ARHGAP6: variants seen among roughly 807,000 people sequenced by gnomAD.
The protein encoded by ARHGAP6 is Rho GTPase activating protein 6.
ARHGAP6 carries 16 observed loss-of-function variants against 55.7 expected under a neutral mutation model. The ratio of observed to expected loss-of-function variants is 0.29; its 90% confidence interval spans 0.19 to 0.44. The LOEUF (loss-of-function observed/expected upper bound fraction) is 0.44, where lower values mean the gene tolerates loss of function less well. Among genes scored for constraint, ARHGAP6 ranks in the 20% least tolerant of loss-of-function variants. The probability of loss-of-function intolerance (pLI) is 1.00; values close to 1 mark genes in which losing one functional copy is unlikely to be tolerated. For synonymous variants in ARHGAP6, 382 were observed against 360.9 expected (o/e 1.06, Z -0.66); for missense variants, 698 against 808.9 (o/e 0.86, Z 1.66).
chrX:11,611,952 A>C (rs5979433), intron 1 of ARHGAP6, among the ~76,000 whole-genome samples: 40,305 of 109,916 alleles, frequency 0.37, 5,817 homozygotes, highest in African/African-American at 0.52. Context: ...AAAGAATTTA[A>C]CCTCTTTTTA....
intron 1 of ARHGAP6, among the ~76,000 whole-genome samples, chrX:11,334,052 G>A (rs1373185903): frequency 9.1e-6 from 1 of 109,900 alleles, no homozygotes; most frequent in Non-Finnish European, 1.9e-5. Context: ...TCTGCCCAAT[G>A]TCGCTACATG....
chrX:11,204,048 A>T (rs1310131910), intron 2 of ARHGAP6, among the ~76,000 whole-genome samples: 1 of 112,035 alleles, frequency 8.9e-6, no homozygotes, highest in East Asian at 2.8e-4. Flanking sequence ...TCTAACTCTG[A>T]TATAAACTCT....
intron 1 of ARHGAP6, among the ~76,000 whole-genome samples, chrX:11,305,879 T>C (rs2048232700): frequency 8.9e-6 from 1 of 111,923 alleles, no homozygotes; most frequent in Admixed American, 9.4e-5. Flanking sequence ...ATGGAGAATA[T>C]AAAGCAGTGT....
intron 1 of ARHGAP6, among the ~76,000 whole-genome samples, chrX:11,259,014 A>T (rs949089668): frequency 8.9e-6 from 1 of 111,779 alleles, no homozygotes; most frequent in Non-Finnish European, 1.9e-5. Flanking sequence ...AAGTTATTTT[A>T]AAAATGTACA....
At chrX:11,501,184 C>T (rs1427774533) in intron 1 of ARHGAP6, among the ~76,000 whole-genome samples, 1 of 111,968 alleles carries the variant, frequency 8.9e-6, no homozygotes, top group Non-Finnish European at 1.9e-5. Context: ...GGCACAGTGA[C>T]TCACCCCTGT....
chrX:11,349,212 T>C (rs1268522031), intron 1 of ARHGAP6, among the ~76,000 whole-genome samples: 1 of 111,452 alleles, frequency 9.0e-6, no homozygotes, highest in Non-Finnish European at 1.9e-5. Context: ...GACACTGGCA[T>C]TTTTTGCTGA....
intron 1 of ARHGAP6, among the ~76,000 whole-genome samples, chrX:11,328,674 G>C (rs2048527066): frequency 8.9e-6 from 1 of 112,354 alleles, no homozygotes; most frequent in South Asian, 3.7e-4. Flanking sequence ...AGAACTTCTA[G>C]TCTATCCTCA....
At chrX:11,140,821 G>T (rs2045611183) in intron 12 of ARHGAP6, among the ~76,000 whole-genome samples, 1 of 112,391 alleles carries the variant, frequency 8.9e-6, no homozygotes, top group African/African-American at 3.2e-5. Context: ...CATTTTGCAA[G>T]GCAAAGGAGG....
At chrX:11,278,715 G>C (rs2047811704) in intron 1 of ARHGAP6, among the ~76,000 whole-genome samples, 2 of 111,747 alleles carry the variant, frequency 1.8e-5, no homozygotes, top group Non-Finnish European at 3.8e-5. Flanking sequence ...ATTTGAAAAA[G>C]TTGTGCATGG....
chrX:11,266,555 G>A (rs955009708), intron 1 of ARHGAP6, among the ~76,000 whole-genome samples: 8 of 110,130 alleles, frequency 7.3e-5, no homozygotes, highest in African/African-American at 2.6e-4. Context: ...AGGTCAGAGT[G>A]AATATACCCA....
At chrX:11,226,337 C>T (rs2047049501) in intron 2 of ARHGAP6, among the ~76,000 whole-genome samples, 1 of 110,936 alleles carries the variant, frequency 9.0e-6, no homozygotes, top group Non-Finnish European at 1.9e-5. Context: ...TTTTTTTTGG[C>T]TGCATGGTAT....
chrX:11,322,185 C>T (rs781474640), intron 1 of ARHGAP6, among the ~76,000 whole-genome samples: 45 of 111,518 alleles, frequency 4.0e-4, no homozygotes, highest in African/African-American at 2.9e-4. Context: ...GCTATTTGGG[C>T]GAGATCACTT....
chrX:11,286,941 G>T (rs748404833), intron 1 of ARHGAP6, among the ~76,000 whole-genome samples: 1 of 112,147 alleles, frequency 8.9e-6, no homozygotes, highest in Non-Finnish European at 1.9e-5. Context: ...TACTGGGTAT[G>T]GGATTTCTTT....
intron 1 of ARHGAP6, among the ~76,000 whole-genome samples, chrX:11,436,596 G>T (rs1161092489): frequency 8.9e-6 from 1 of 111,850 alleles, no homozygotes; most frequent in East Asian, 2.8e-4. Flanking sequence ...ATATGTTTAT[G>T]GTAGAATTAT....
At chrX:11,200,571 A>G (rs1265643818) in intron 2 of ARHGAP6, among the ~76,000 whole-genome samples, 2 of 112,744 alleles carry the variant, frequency 1.8e-5, no homozygotes, top group African/African-American at 3.2e-5. Flanking sequence ...TCCCTGAGAC[A>G]TGATTTTTAT....
At chrX:11,177,952 C>A (rs2046256673) in intron 8 of ARHGAP6, 148 bp downstream of exon 8, 1 of 691,752 alleles carries the variant, frequency 1.4e-6, no homozygotes, top group East Asian at 3.3e-5. Flanking sequence ...CAGAGAAGGC[C>A]CTGCATTAGT....
At chrX:11,454,110 ATT>A (rs1187605203) in intron 1 of ARHGAP6, among the ~76,000 whole-genome samples, 9,109 of 75,783 alleles carry the variant, frequency 0.12, 170 homozygotes, top group Middle Eastern at 0.17. Context: ...CGCACGGCTA[ATT>A]TTTTTTTTTT....
chrX:11,311,942 T>C (rs776475055), intron 1 of ARHGAP6, among the ~76,000 whole-genome samples: 1 of 111,845 alleles, frequency 8.9e-6, no homozygotes, highest in African/African-American at 3.2e-5. Flanking sequence ...GTTTGCAAAT[T>C]TCTATGGAAA....
At chrX:11,500,375 G>C (rs1190191855) in intron 1 of ARHGAP6, among the ~76,000 whole-genome samples, 2 of 107,714 alleles carry the variant, frequency 1.9e-5, no homozygotes, top group Non-Finnish European at 3.8e-5. Context: ...CGGAAGCAAA[G>C]AGAAGGCCAG....
Sources: gnomAD v4.1 joint callset for allele counts (sites outside exome capture counted in the v4.1 genomes callset) on GRCh38, gnomAD v4.1.1 for gene constraint, MANE v1.5 for transcripts, NCBI Gene and HGNC (gene_info 2026-07-23, HGNC 2026-07-21) for gene names.